The following ARHGEF3 variants were observed in gnomAD, a reference collection of about 807,000 sequenced individuals.
ARHGEF3 encodes Rho guanine nucleotide exchange factor 3.
ARHGEF3 carries 28 observed loss-of-function variants against 63.2 expected under a neutral mutation model. The observed-to-expected ratio is 0.44, with a 90% CI of 0.33 to 0.61. The LOEUF (loss-of-function observed/expected upper bound fraction) is 0.61, where lower values mean the gene tolerates loss of function less well. ARHGEF3 is among the 20% of genes least tolerant of loss of function. The pLI is 0.03. For missense variants in ARHGEF3, 533 were observed against 659.3 expected (o/e 0.81, Z 2.10); for synonymous variants, 266 against 254.2 (o/e 1.05, Z -0.44).
chr3:56,968,163 T>TAA (rs1553794279), intron 2 of ARHGEF3, among the ~76,000 whole-genome samples: 1 of 28,822 alleles, frequency 3.5e-5, no homozygotes, highest in African/African-American at 1.1e-4. Flanking sequence ...AAAATATATA[T>TAA]TATATAATAT....
rs368006965 is a variant in ARHGEF3 at position 56,906,975 on chromosome 3, A to ATTTTTT, written c.130-24627_130-24622dup. Among the ~76,000 whole-genome samples the ATTTTTT allele has an allele frequency of 1.6e-3, 115 of 72,166 alleles. 1 individual carries two copies. Among genetic ancestry groups the ATTTTTT allele is most frequent in the East Asian group, 2.4e-3 (5 of 2,108 alleles). The allele number at this position is 72,166 out of a possible 152,430, so 47.3% of individuals were successfully genotyped here. A position where few individuals can be genotyped will look rare whatever the true frequency, so the allele number is the denominator to read the frequency against. On this transcript the variant is annotated intron_variant, in intron 3 of 12. Transcript: ENST00000338458. ...AAATCGCGATTGTGGCTCACATTCT[A>ATTTTTT]TTTTTTTTTTTTTTTTTTTTTTTGA...
chr3:56,734,658 A>G (rs1418021244), intron 8 of ARHGEF3, among the ~76,000 whole-genome samples: 1 of 152,212 alleles, frequency 6.6e-6, no homozygotes, highest in Non-Finnish European at 1.5e-5. Context: ...CAATATTATT[A>G]GATCATTTTA....
At chr3:56,925,323 C>A (rs1418187261) in intron 3 of ARHGEF3, among the ~76,000 whole-genome samples, 1 of 152,204 alleles carries the variant, frequency 6.6e-6, no homozygotes, top group Non-Finnish European at 1.5e-5. Context: ...TTTCCCTGGT[C>A]CTTCCGAAAT....
At chr3:56,761,961 A>G (rs2035444516) in intron 2 of ARHGEF3, among the ~76,000 whole-genome samples, 1 of 152,206 alleles carries the variant, frequency 6.6e-6, no homozygotes, top group East Asian at 1.9e-4. Flanking sequence ...CTTGGCCTGT[A>G]GAAAGTTTCT....
In ARHGEF3 at chr3:56,774,881, C is replaced by T. The variant is rs148858046; in HGVS notation, c.97-1065G>A. The T allele has an allele frequency of 2.9e-3, 2,516 of 866,280 alleles. 59 individuals carry two copies. The African/African-American group carries it at 0.039, about 14-fold the overall frequency. 53.7% of individuals were successfully genotyped at this position (866,280 alleles called of 1,614,324 possible). A position where few individuals can be genotyped will look rare whatever the true frequency, so the allele number is the denominator to read the frequency against. Reference sequence around the variant, plus strand: ...CACTCCAGCCTGGTTGACAGAGACTCTGTGTCAAAAAAACAAAAAACAAAC... The same window carrying T: ...CACTCCAGCCTGGTTGACAGAGACTTTGTGTCAAAAAAACAAAAAACAAAC... On this transcript the variant is annotated intron_variant, in intron 1 of 9. Coordinates refer to ENST00000296315, the MANE Select transcript of ARHGEF3 (RefSeq NM_019555.3).
intron 2 of ARHGEF3, among the ~76,000 whole-genome samples, chr3:56,963,622 G>A (rs539997516): frequency 5.9e-5 from 9 of 152,044 alleles, no homozygotes; most frequent in Non-Finnish European, 7.4e-5. Context: ...AACTTTTTTC[G>A]TCTTTTCTCG....
chr3:56,840,471 T>C (rs1458515484), intron 4 of ARHGEF3, among the ~76,000 whole-genome samples: 1 of 152,232 alleles, frequency 6.6e-6, no homozygotes, highest in East Asian at 1.9e-4. Context: ...GTCTGCTTTT[T>C]AAAATATCTC....
intron 3 of ARHGEF3, among the ~76,000 whole-genome samples, chr3:56,905,366 C>G (rs966996466): frequency 3.9e-5 from 6 of 152,200 alleles, no homozygotes; most frequent in Admixed American, 3.9e-4. Context: ...AGGTACTGCT[C>G]TACACTTGCT....
chr3:57,071,654 C>T (rs1236905429), intron 1 of ARHGEF3, among the ~76,000 whole-genome samples: 1 of 125,698 alleles, frequency 8.0e-6, no homozygotes, highest in Non-Finnish European at 1.6e-5. Context: ...AGCAAAACTC[C>T]ATCTCAAAAA....
Position 56,891,024 on chromosome 3 carries a change from G to C in ARHGEF3, c.130-8670C>G, listed in dbSNP as rs114127134. On this transcript the variant is annotated intron_variant, in intron 3 of 12. Coordinates refer to the ARHGEF3 transcript ENST00000338458. ...TTTCTTTGCGGAAAGATTAGCAAAA[G>C]GATTTTGTGTTCTTGTACTTGCCCT... 3.2e-3 allele frequency among the ~76,000 whole-genome samples: 487 copies of C among 152,214 alleles called. 2 individuals are homozygous for C. Among genetic ancestry groups the C allele is most frequent in the African/African-American group, 0.011 (469 of 41,538 alleles).
intron 4 of ARHGEF3, among the ~76,000 whole-genome samples, chr3:56,810,986 G>A (rs1283813292): frequency 6.6e-6 from 1 of 152,198 alleles, no homozygotes; most frequent in Non-Finnish European, 1.5e-5. Context: ...GTGCACAGGG[G>A]GTAATTAGCC....
chr3:56,776,649 T>G (rs2036298025), intron 1 of ARHGEF3, among the ~76,000 whole-genome samples: 1 of 152,230 alleles, frequency 6.6e-6, no homozygotes, highest in Non-Finnish European at 1.5e-5. Context: ...TACTGCTGTC[T>G]AAAGAGAGCC....
Position 56,832,029 on chromosome 3 carries a change from G to A in ARHGEF3, c.192+50263C>T, listed in dbSNP as rs182308067. On this transcript the variant is annotated intron_variant, in intron 4 of 12. Transcript: ENST00000338458. Reference sequence around the variant, plus strand: ...CAGGAGTATAATGATGACTTTGGTCGAGAGGGGCCAGTGGAGGCTATACAG... The same window carrying A: ...CAGGAGTATAATGATGACTTTGGTCAAGAGGGGCCAGTGGAGGCTATACAG... 4.6e-5 allele frequency among the ~76,000 whole-genome samples: 7 copies of A among 152,272 alleles called. No homozygotes were observed. In the East Asian group the frequency reaches 7.7e-4, roughly 17 times the overall value.
upstream of ARHGEF3, among the ~76,000 whole-genome samples, chr3:56,802,221 T>C (rs1022096280): frequency 3.3e-5 from 5 of 152,162 alleles, no homozygotes; most frequent in African/African-American, 1.2e-4. Context: ...TCGGGCTCTT[T>C]GGCACTCTCC....
intron 1 of ARHGEF3, chr3:57,074,326 A>G (rs1706105954): frequency 4.1e-6 from 6 of 1,464,512 alleles, no homozygotes; most frequent in South Asian, 1.2e-5. Context: ...GCCTTTGCAC[A>G]TGCTATGCCC....
intron 3 of ARHGEF3, among the ~76,000 whole-genome samples, chr3:56,896,014 C>T (rs761693757): frequency 1.3e-5 from 2 of 152,192 alleles, no homozygotes; most frequent in South Asian, 4.1e-4. Context: ...TCCTGCAGAG[C>T]TGGCGGCAGC....
chr3:56,946,851 G>A (rs1246600338), intron 3 of ARHGEF3, among the ~76,000 whole-genome samples: 1 of 152,120 alleles, frequency 6.6e-6, no homozygotes, highest in Non-Finnish European at 1.5e-5. Flanking sequence ...TGAAATGAAG[G>A]AAAAAATGTT....
At chr3:57,002,489 A>ATATATGT in intron 2 of ARHGEF3, among the ~76,000 whole-genome samples, 1 of 41,824 alleles carries the variant, frequency 2.4e-5, no homozygotes, top group Admixed American at 3.2e-4. Flanking sequence ...TTATATATAT[A>ATATATGT]TATATATGTT....
At chr3:56,729,934 C>G (rs1256323128) in intron 9 of ARHGEF3, among the ~76,000 whole-genome samples, 2 of 152,130 alleles carry the variant, frequency 1.3e-5, no homozygotes, top group Non-Finnish European at 2.9e-5. Flanking sequence ...GGCTGCATAA[C>G]AAAATCCCTT....
Sources: gnomAD v4.1 joint callset for allele counts (sites outside exome capture counted in the v4.1 genomes callset) on GRCh38, gnomAD v4.1.1 for gene constraint, MANE v1.5 for transcripts, NCBI Gene and HGNC (gene_info 2026-07-23, HGNC 2026-07-21) for gene names.